CTNNA2: variants seen among roughly 807,000 people sequenced by gnomAD.
CTNNA2 encodes catenin alpha 2.
In CTNNA2, 42 loss-of-function variants were observed where a neutral mutation model predicts 101.0. The ratio of observed to expected loss-of-function variants is 0.42; its 90% CI spans 0.32 to 0.54. The LOEUF (loss-of-function observed/expected upper bound fraction) is 0.54, where lower values mean the gene tolerates loss of function less well. Among genes scored for constraint, CTNNA2 ranks in the 20% least tolerant of loss-of-function variants. CTNNA2 has a pLI of 0.14. For synonymous variants in CTNNA2, 450 were observed against 456.4 expected (o/e 0.99, Z 0.18); for missense variants, 871 against 1,223.1 (o/e 0.71, Z 4.29).
intron 1 of CTNNA2, among the ~76,000 whole-genome samples, chr2:79,528,937 A>T (rs1672578762): frequency 6.6e-6 from 1 of 152,174 alleles, no homozygotes; most frequent in Admixed American, 6.6e-5. Context: ...CCGTAAACAA[A>T]CTGAGGAATA....
At chr2:80,376,436 T>C (rs191713824) in intron 7 of CTNNA2, among the ~76,000 whole-genome samples, 1 of 151,142 alleles carries the variant, frequency 6.6e-6, no homozygotes, top group East Asian at 2.0e-4. Context: ...AAGTTCCTAA[T>C]TGAGGTTTAT....
At chr2:80,156,027 A>C (rs1703980250) in intron 7 of CTNNA2, among the ~76,000 whole-genome samples, 1 of 152,160 alleles carries the variant, frequency 6.6e-6, no homozygotes, top group South Asian at 2.1e-4. Context: ...CTGATTCAGT[A>C]GGTTGTAGGG....
At chr2:79,434,982 A>G (rs773285347) in intron 4 of CTNNA2, among the ~76,000 whole-genome samples, 11 of 152,158 alleles carry the variant, frequency 7.2e-5, no homozygotes, top group Non-Finnish European at 1.3e-4. Flanking sequence ...AACCATAACC[A>G]TTCTTTCATC....
intron 7 of CTNNA2, among the ~76,000 whole-genome samples, chr2:80,069,197 T>C (rs1480238125): frequency 1.3e-5 from 2 of 152,178 alleles, no homozygotes; most frequent in East Asian, 3.9e-4. Flanking sequence ...ATGTTCTGTA[T>C]GGACCCTCAG....
rs76342424 is a variant in CTNNA2 at position 79,209,601 on chromosome 2, A to G, written c.-406+11525A>G. Among the ~76,000 whole-genome samples the G allele has an allele frequency of 1.6e-4, 24 of 152,332 alleles. 1 individual carries two copies. In the East Asian group the frequency reaches 4.4e-3, roughly 28 times the overall value. On this transcript the variant is annotated intron_variant, in intron 2 of 21. Coordinates refer to the CTNNA2 transcript ENST00000466387. Reference sequence around the variant, plus strand: ...TTTAATGCTAATGAGAATGGAAACCAATGATTCACTGTTAAACAATACTGG... The same window carrying G: ...TTTAATGCTAATGAGAATGGAAACCGATGATTCACTGTTAAACAATACTGG...
chr2:79,886,578 C>G (rs189652914), intron 6 of CTNNA2, among the ~76,000 whole-genome samples: 3 of 151,106 alleles, frequency 2.0e-5, no homozygotes, highest in South Asian at 2.1e-4. Flanking sequence ...GGTGAAAACC[C>G]GTCTCTACTA....
At chr2:79,935,742 G>T (rs1423756464) in intron 7 of CTNNA2, among the ~76,000 whole-genome samples, 1 of 152,158 alleles carries the variant, frequency 6.6e-6, no homozygotes, top group Non-Finnish European at 1.5e-5. Flanking sequence ...AAACGTTTTG[G>T]GGTTTGCTGA....
intron 7 of CTNNA2, among the ~76,000 whole-genome samples, chr2:80,047,535 A>G (rs1041686427): frequency 1.3e-5 from 2 of 152,172 alleles, no homozygotes; most frequent in Non-Finnish European, 2.9e-5. Context: ...TCTGCTGACA[A>G]TCAGCAAGCC....
At chr2:80,467,340 T>C (rs952649794) in intron 9 of CTNNA2, among the ~76,000 whole-genome samples, 3 of 152,232 alleles carry the variant, frequency 2.0e-5, no homozygotes, top group African/African-American at 7.2e-5. Context: ...TCTACACTAA[T>C]TGACTGCATT....
chr2:80,382,804 A>G (rs1676636816), intron 7 of CTNNA2, among the ~76,000 whole-genome samples: 1 of 152,246 alleles, frequency 6.6e-6, no homozygotes, highest in African/African-American at 2.4e-5. Context: ...GCCAGACTCT[A>G]GGGATTCTTT....
At chr2:79,494,982 A>C (rs750383455) in intron 4 of CTNNA2, among the ~76,000 whole-genome samples, 2 of 152,108 alleles carry the variant, frequency 1.3e-5, no homozygotes, top group East Asian at 3.9e-4. Context: ...AGGCGCCTGT[A>C]GTCCCAGCTA....
intron 8 of CTNNA2, among the ~76,000 whole-genome samples, chr2:80,406,842 A>G (rs918512146): frequency 3.3e-5 from 5 of 151,668 alleles, no homozygotes; most frequent in South Asian, 4.2e-4. Context: ...AAAAAAAAAA[A>G]AAAAAAGAAA....
At chr2:79,709,894 A>G (rs915890323) in intron 2 of CTNNA2, among the ~76,000 whole-genome samples, 4 of 152,160 alleles carry the variant, frequency 2.6e-5, no homozygotes, top group Middle Eastern at 3.2e-3. Context: ...GACATTAACA[A>G]GAACAGAAAA....
At chr2:80,197,002 C>T (rs540827294) in intron 7 of CTNNA2, among the ~76,000 whole-genome samples, 21 of 152,272 alleles carry the variant, frequency 1.4e-4, no homozygotes, top group African/African-American at 4.3e-4. Flanking sequence ...CTGTATATTG[C>T]ATGCACGTAC....
At chr2:80,405,503 C>T (rs921933963) in intron 8 of CTNNA2, among the ~76,000 whole-genome samples, 1 of 152,078 alleles carries the variant, frequency 6.6e-6, no homozygotes, top group African/African-American at 2.4e-5. Flanking sequence ...CTGAGTTTCT[C>T]TATAATAATT....
intron 9 of CTNNA2, among the ~76,000 whole-genome samples, chr2:80,449,323 A>G (rs1281220624): frequency 9.2e-5 from 14 of 151,898 alleles, no homozygotes; most frequent in African/African-American, 3.4e-4. Context: ...AAATAAATAA[A>G]TACACTAAAT....
intron 7 of CTNNA2, among the ~76,000 whole-genome samples, chr2:80,167,782 T>C (rs890170556): frequency 2.6e-5 from 4 of 152,214 alleles, no homozygotes; most frequent in African/African-American, 9.6e-5. Flanking sequence ...ATTTCACTAA[T>C]GCATTCAGCT....
At chr2:79,739,816 T>G (rs1671163232) in intron 2 of CTNNA2, among the ~76,000 whole-genome samples, 1 of 152,210 alleles carries the variant, frequency 6.6e-6, no homozygotes, top group Admixed American at 6.5e-5. Flanking sequence ...CTGCTCTGAC[T>G]TCTCTAAGGC....
intron 7 of CTNNA2, among the ~76,000 whole-genome samples, chr2:80,362,605 T>TAAATCTAATATTTAAGTG (rs1674517705): frequency 6.6e-6 from 1 of 151,508 alleles, no homozygotes; most frequent in African/African-American, 2.4e-5. Flanking sequence ...GGTTAATACA[T>TAAATCTAATATTTAAGTG]GAATCTAATA....
Sources: allele counts gnomAD v4.1 joint callset (sites outside exome capture counted in the v4.1 genomes callset), GRCh38; gene constraint gnomAD v4.1.1; transcripts MANE v1.5; gene names NCBI Gene and HGNC (gene_info 2026-07-23, HGNC 2026-07-21).